DPYSL4: variants seen among roughly 807,000 people sequenced by gnomAD.
The protein encoded by DPYSL4 is dihydropyrimidinase like 4, also known as dihydropyrimidinase-related protein 4.
Under a neutral mutation model 63.4 loss-of-function variants are expected in DPYSL4, and 43 were observed. The observed-to-expected ratio is 0.68, with a 90% CI of 0.53 to 0.88. The LOEUF is 0.88. DPYSL4 is among the 40% of genes least tolerant of loss of function. The pLI is 0.00. For synonymous variants in DPYSL4, 353 were observed against 331.7 expected, an observed-to-expected ratio of 1.06 and a Z score of -0.70; for missense variants, 733 against 819.5, an observed-to-expected ratio of 0.89 and a Z score of 1.29.
In DPYSL4 at chr10:132,198,838, A is replaced by G. The variant is rs79514806; in HGVS notation, c.691-13A>G. ...GCCCTCGTGTGGCCTCATCCCTCTC[A>G]TCTCGTCCCCAGGTGGAGGCTGAGG... On this transcript the variant is annotated splice_polypyrimidine_tract_variant and intron_variant, in intron 7 of 13. Coordinates refer to ENST00000338492, the MANE Select transcript of DPYSL4 (RefSeq NM_006426.3). 2,886 of 1,612,576 alleles carry G rather than the reference A, an allele frequency of 1.8e-3. 55 individuals are homozygous for G. In the African/African-American group the frequency reaches 0.032, roughly 18 times the overall value.
intron 3 of DPYSL4, among the ~76,000 whole-genome samples, chr10:132,193,074 A>G (rs549473388): frequency 6.8e-4 from 103 of 152,250 alleles, no homozygotes; most frequent in African/African-American, 2.4e-3. Context: ...ACTGGAAATC[A>G]GTGACTGACG....
Position 132,205,033 on chromosome 10 carries a change from T to C in DPYSL4, c.*103T>C. ...TAGCATTTTCTTTTGTAGAAGTTTC[T>C]CGAAGGTGCTTGGCGGTCTTGCCTT... On this transcript the variant is annotated 3_prime_UTR_variant, in exon 14 of 14. Coordinates refer to ENST00000338492, the MANE Select transcript of DPYSL4 (RefSeq NM_006426.3). The C allele has an allele frequency of 4.1e-6, 4 of 968,132 alleles. No homozygotes were observed. In the South Asian group the frequency reaches 5.9e-5, roughly 14 times the overall value. 60.0% of individuals were successfully genotyped at this position (968,132 alleles called of 1,614,324 possible).
At chr10:132,198,600 C>A in intron 7 of DPYSL4, 117 bp downstream of exon 7, 1 of 1,169,704 alleles carries the variant, frequency 8.5e-7, no homozygotes. Flanking sequence ...TCGCCCCGAC[C>A]TCATCTGGGA....
rs2061921342 is a variant in DPYSL4 at position 132,194,837 on chromosome 10, C to CT, written c.314-6dup. 1 of 1,611,420 alleles carries CT rather than the reference C, an allele frequency of 6.2e-7. No individual in the cohort carries two copies. Among genetic ancestry groups the CT allele is most frequent in the Non-Finnish European group, 8.5e-7 (1 of 1,179,004 alleles). On this transcript the variant is annotated splice_region_variant and splice_polypyrimidine_tract_variant and intron_variant, in intron 3 of 13. Coordinates refer to ENST00000338492, the MANE Select transcript of DPYSL4 (RefSeq NM_006426.3). Reference sequence around the variant, plus strand: ...TGGGGGAAGCTGCTGACCATGCTGCCTTCACAGTGGACCACGTCTTCCCCG... The same window carrying CT: ...TGGGGGAAGCTGCTGACCATGCTGCCTTTCACAGTGGACCACGTCTTCCCCG...
chr10:132,190,018 G>A (rs1016249620), intron 1 of DPYSL4, among the ~76,000 whole-genome samples: 4 of 152,200 alleles, frequency 2.6e-5, no homozygotes, highest in Non-Finnish European at 5.9e-5. Flanking sequence ...CCAAGGCCAG[G>A]CTGCTTCCTG....
At chr10:132,187,909 G>A (rs375988369) in intron 1 of DPYSL4, among the ~76,000 whole-genome samples, 1 of 152,198 alleles carries the variant, frequency 6.6e-6, no homozygotes, top group African/African-American at 2.4e-5. Context: ...GACCTGGGCG[G>A]GGGAGTCCAT....
At chr10:132,204,372 G>A (rs1487470884) in intron 13 of DPYSL4, among the ~76,000 whole-genome samples, 2 of 152,176 alleles carry the variant, frequency 1.3e-5, no homozygotes. Flanking sequence ...GCCTGGGAGG[G>A]CTCAGGCTGC....
intron 3 of DPYSL4, 48 bp downstream of exon 3, chr10:132,192,890 G>A (rs779002727): frequency 6.5e-7 from 1 of 1,536,582 alleles, no homozygotes; most frequent in South Asian, 1.3e-5. Flanking sequence ...AGCGTCTGCT[G>A]CCCCTCTCTC....
In DPYSL4 at chr10:132,205,004, T is replaced by C; in HGVS notation, c.*74T>C. ...GGGGGCCCCAGGGCACTCGCCCCCC[T>C]CCTTAGCATTTTCTTTTGTAGAAGT... On this transcript the variant is annotated 3_prime_UTR_variant, in exon 14 of 14. Coordinates refer to ENST00000338492, the MANE Select transcript of DPYSL4 (RefSeq NM_006426.3). 1.6e-6 allele frequency: 2 copies of C among 1,213,414 alleles called. No homozygotes were observed. Among genetic ancestry groups the C allele is most frequent in the Non-Finnish European group, 2.3e-6 (2 of 870,332 alleles). The allele number at this position is 1,213,414 out of a possible 1,614,324, so 75.2% of individuals were successfully genotyped here.
chr10:132,188,712 A>G (rs1235037417), intron 1 of DPYSL4, among the ~76,000 whole-genome samples: 1 of 152,242 alleles, frequency 6.6e-6, no homozygotes, highest in African/African-American at 2.4e-5. Flanking sequence ...CTGCCAGGAA[A>G]GCAGTCCTGG....
rs1590105360 is a variant in DPYSL4 at position 132,202,051 on chromosome 10, G to A, written c.1216G>A (p.Asp406Asn). 1 of 1,613,274 alleles carries A rather than the reference G, an allele frequency of 6.2e-7. No individual in the cohort carries two copies. Among genetic ancestry groups the A allele is most frequent in the Non-Finnish European group, 8.5e-7 (1 of 1,179,984 alleles). ...PRKGRVAVGS[D>N]ADLVIWNPKA... ...GAAGGGGCGAGTGGCTGTGGGCTCTGACGCTGACCTGGTCATATGGAACCC... is the reference window on the plus strand; with the variant it reads ...GAAGGGGCGAGTGGCTGTGGGCTCTAACGCTGACCTGGTCATATGGAACCC... Residue 406 changes from aspartate to asparagine, a missense_variant, in exon 11 of 14, where the codon GAC (aspartate) becomes AAC (asparagine). Coordinates refer to ENST00000338492, the MANE Select transcript of DPYSL4 (RefSeq NM_006426.3).
chr10:132,195,827 C>T (rs1034691431), intron 4 of DPYSL4, among the ~76,000 whole-genome samples: 1 of 152,250 alleles, frequency 6.6e-6, no homozygotes, highest in African/African-American at 2.4e-5. Context: ...TGTGAGTGGA[C>T]TCGGGAGGCC....
intron 12 of DPYSL4, among the ~76,000 whole-genome samples, chr10:132,203,319 C>T (rs1047202876): frequency 8.5e-5 from 13 of 152,180 alleles, no homozygotes; most frequent in African/African-American, 2.2e-4. Flanking sequence ...ACTGTGGTGA[C>T]GCCACGCTTG....
intron 1 of DPYSL4, among the ~76,000 whole-genome samples, chr10:132,188,694 G>A (rs531785403): frequency 5.9e-5 from 9 of 152,362 alleles, no homozygotes; most frequent in African/African-American, 2.2e-4. Flanking sequence ...TGTCTCAGCT[G>A]CTTGGCCCTG....
chr10:132,204,830 T>A lies in DPYSL4; in HGVS notation c.1628-9T>A, dbSNP rs1443121578. On this transcript the variant is annotated splice_polypyrimidine_tract_variant and intron_variant, in intron 13 of 13. Transcript: ENST00000338492. ...CATTCTCCCCTGCCCATCTGTGCCC[T>A]TTCTTCAGGGTCTCAGGCTGATGAC... The A allele has an allele frequency of 1.2e-6, 2 of 1,602,688 alleles. No individual in the cohort carries two copies. The highest frequency in any genetic ancestry group is 1.7e-6 in the Non-Finnish European group (2 of 1,173,792).
At chr10:132,191,242 A>G (rs11146237) in intron 2 of DPYSL4, among the ~76,000 whole-genome samples, 3,344 of 47,956 alleles carry the variant, frequency 0.07, 105 homozygotes, top group East Asian at 0.25. Flanking sequence ...GGCAGGTGCA[A>G]ATAGTTCCCA....
At chr10:132,187,244 C>T (rs1438621539) in intron 1 of DPYSL4, 142 bp downstream of exon 1, 4 of 548,236 alleles carry the variant, frequency 7.3e-6, no homozygotes, top group African/African-American at 6.1e-5. Flanking sequence ...GCCCGCCCTT[C>T]CCTGCTCGGC....
chr10:132,195,727 C>T (rs1212410699), intron 4 of DPYSL4, among the ~76,000 whole-genome samples: 1 of 152,176 alleles, frequency 6.6e-6, no homozygotes, highest in Non-Finnish European at 1.5e-5. Flanking sequence ...GTCAGGACCC[C>T]TCACCTCCCT....
In DPYSL4 at chr10:132,191,211, A is replaced by G. The variant is rs1271368924; in HGVS notation, c.128+376A>G. On this transcript the variant is annotated intron_variant, in intron 2 of 13. Transcript: ENST00000338492. ...AAGTATGTTCCCAGCTCTTGTGTAC[A>G]CACTGGTCACGTGGTATCCAGGCAG... 2.4e-5 allele frequency among the ~76,000 whole-genome samples: 2 copies of G among 83,816 alleles called. 1 individual carries two copies. The highest frequency in any genetic ancestry group is 4.9e-5 in the Non-Finnish European group (2 of 40,604). 55.0% of individuals were successfully genotyped at this position (83,816 alleles called of 152,430 possible).
Sources: gnomAD v4.1 joint callset for allele counts (sites outside exome capture counted in the v4.1 genomes callset) on GRCh38, gnomAD v4.1.1 for gene constraint, MANE v1.5 for transcripts, NCBI Gene and HGNC (gene_info 2026-07-23, HGNC 2026-07-21) for gene names.